PARD3B: variants seen among roughly 807,000 people sequenced by gnomAD.
PARD3B encodes the protein partitioning defective 3 homolog B.
PARD3B carries 103 observed loss-of-function variants against 130.2 expected under a neutral mutation model. The ratio of observed to expected loss-of-function variants is 0.79; its 90% CI spans 0.67 to 0.93. The LOEUF (loss-of-function observed/expected upper bound fraction) is 0.93, where lower values mean the gene tolerates loss of function less well. PARD3B is among the 40% of genes least tolerant of loss of function. The probability of loss-of-function intolerance (pLI) is 0.00; values close to 1 mark genes in which losing one functional copy is unlikely to be tolerated. For missense variants in PARD3B, 1,609 were observed against 1,499.2 expected (o/e 1.07, Z -1.21); for synonymous variants, 583 against 553.2 (o/e 1.05, Z -0.76).
At chr2:205,472,870 G>T (rs1442851611) in intron 20 of PARD3B, among the ~76,000 whole-genome samples, 1 of 151,970 alleles carries the variant, frequency 6.6e-6, no homozygotes, top group Non-Finnish European at 1.5e-5. Flanking sequence ...GTTGTATAGA[G>T]GGGGGGAACA....
At chr2:204,585,363 T>G (rs2032770933) in intron 1 of PARD3B, among the ~76,000 whole-genome samples, 1 of 152,134 alleles carries the variant, frequency 6.6e-6, no homozygotes, top group Non-Finnish European at 1.5e-5. Context: ...CTTCAGATCT[T>G]GCTCTGTTGC....
intron 2 of PARD3B, among the ~76,000 whole-genome samples, chr2:204,705,123 TTCACTG>T (rs2038076770): frequency 6.6e-6 from 1 of 152,204 alleles, no homozygotes; most frequent in Non-Finnish European, 1.5e-5. Flanking sequence ...TGCACCTACT[TTCACTG>T]ACACTCAGCA....
intron 7 of PARD3B, among the ~76,000 whole-genome samples, chr2:205,120,853 C>T (rs2030620014): frequency 6.6e-6 from 1 of 152,068 alleles, no homozygotes; most frequent in Non-Finnish European, 1.5e-5. Flanking sequence ...ATCTTCTGGG[C>T]AAGAAAGAGT....
intron 16 of PARD3B, among the ~76,000 whole-genome samples, chr2:205,252,838 AC>A (rs35793665): frequency 0.33 from 27,471 of 83,838 alleles, 4,151 homozygotes; most frequent in Non-Finnish European, 0.36. Flanking sequence ...ACCTGAAGGG[AC>A]CCCCCCCCCC....
chr2:205,414,008 G>A (rs1429621194), intron 19 of PARD3B, among the ~76,000 whole-genome samples: 2 of 152,114 alleles, frequency 1.3e-5, no homozygotes, highest in Non-Finnish European at 2.9e-5. Flanking sequence ...TGTCAAATGA[G>A]GATATTTTTG....
chr2:204,997,118 C>G (rs1559339523), intron 3 of PARD3B, among the ~76,000 whole-genome samples: 1 of 152,182 alleles, frequency 6.6e-6, no homozygotes, highest in Non-Finnish European at 1.5e-5. Context: ...CCTCAGTTGT[C>G]ATTCTTTCAA....
At chr2:204,845,774 A>G (rs1575120413) in intron 2 of PARD3B, among the ~76,000 whole-genome samples, 1 of 152,198 alleles carries the variant, frequency 6.6e-6, no homozygotes, top group East Asian at 1.9e-4. Flanking sequence ...ATCAATCTCA[A>G]ACTTCTTTGA....
At chr2:205,092,590 C>T (rs1702175420) in intron 4 of PARD3B, among the ~76,000 whole-genome samples, 1 of 152,022 alleles carries the variant, frequency 6.6e-6, no homozygotes, top group Non-Finnish European at 1.5e-5. Flanking sequence ...ACAGTTGCCC[C>T]AAGAGTTGTT....
intron 2 of PARD3B, among the ~76,000 whole-genome samples, chr2:204,733,497 T>TC (rs2039613049): frequency 9.9e-6 from 1 of 100,650 alleles, no homozygotes; most frequent in Admixed American, 1.0e-4. Context: ...TTTTTTTTTT[T>TC]GGTAGAAATT....
intron 21 of PARD3B, among the ~76,000 whole-genome samples, chr2:205,538,149 GA>G (rs1366003012): frequency 1.3e-5 from 2 of 152,090 alleles, no homozygotes; most frequent in African/African-American, 4.8e-5. Context: ...AACAGAGAAG[GA>G]AAAACAAAAA....
chr2:205,414,002 A>G (rs1298214504), intron 19 of PARD3B, among the ~76,000 whole-genome samples: 1 of 152,336 alleles, frequency 6.6e-6, no homozygotes, highest in East Asian at 1.9e-4. Flanking sequence ...TATTCTTGTC[A>G]AATGAGGATA....
chr2:205,364,417 T>C (rs2044521761), intron 18 of PARD3B, among the ~76,000 whole-genome samples: 1 of 152,218 alleles, frequency 6.6e-6, no homozygotes, highest in Non-Finnish European at 1.5e-5. Context: ...TGAGTCCTCC[T>C]TGTTACAGGT....
At chr2:204,863,203 A>G (rs2045280336) in intron 2 of PARD3B, among the ~76,000 whole-genome samples, 1 of 152,106 alleles carries the variant, frequency 6.6e-6, no homozygotes, top group African/African-American at 2.4e-5. Flanking sequence ...GCACTGTGGG[A>G]TGAGACACAT....
At chr2:204,785,728 T>C (rs1356593324) in intron 2 of PARD3B, among the ~76,000 whole-genome samples, 2 of 152,248 alleles carry the variant, frequency 1.3e-5, no homozygotes, top group Non-Finnish European at 2.9e-5. Flanking sequence ...ATGTGTTGAA[T>C]AACTTAGTAA....
At chr2:205,209,933 A>G (rs969449897) in intron 15 of PARD3B, among the ~76,000 whole-genome samples, 5 of 152,124 alleles carry the variant, frequency 3.3e-5, no homozygotes, top group Non-Finnish European at 7.4e-5. Flanking sequence ...GCAAAGGATA[A>G]ATGTTTAAGG....
In PARD3B at chr2:205,575,106, C is replaced by CAT; in HGVS notation, c.3260+21704_3260+21705insTA. 7.3e-6 allele frequency among the ~76,000 whole-genome samples: 1 copy of CAT among 137,234 alleles called. No individual in the cohort carries two copies. The highest frequency in any genetic ancestry group is 1.7e-5 in the Non-Finnish European group (1 of 60,200). The allele number at this position is 137,234 out of a possible 152,430, so 90.0% of individuals were successfully genotyped here. ...ATAGACACACACACACACACACACA[C>CAT]ACACACACGCGTACACTATATATAA... On this transcript the variant is annotated intron_variant, in intron 22 of 22. Coordinates refer to ENST00000406610, the MANE Select transcript of PARD3B (RefSeq NM_001302769.2). The surrounding 1 kb of genome is among the most constrained non-coding windows in gnomAD (Gnocchi z 4.6).
At chr2:204,756,161 C>T (rs2040662176) in intron 2 of PARD3B, among the ~76,000 whole-genome samples, 1 of 152,014 alleles carries the variant, frequency 6.6e-6, no homozygotes, top group Middle Eastern at 3.2e-3. Flanking sequence ...ACAGCTTTCT[C>T]CCTACTCCTT....
At chr2:205,481,443 A>G (rs4675527) in intron 20 of PARD3B, among the ~76,000 whole-genome samples, 139,937 of 152,148 alleles carry the variant, frequency 0.92, 64,525 homozygotes, top group Admixed American at 0.97. Flanking sequence ...ATGTATTAGA[A>G]TGAAGGAGTC....
intron 2 of PARD3B, among the ~76,000 whole-genome samples, chr2:204,765,520 TTG>T (rs2041107091): frequency 6.6e-6 from 1 of 152,048 alleles, no homozygotes. Context: ...AACAAGAAAA[TTG>T]TGTTATTTGA....
Sources: gnomAD v4.1 joint callset for allele counts (sites outside exome capture counted in the v4.1 genomes callset) on GRCh38, gnomAD v4.1.1 for gene constraint, Gnocchi (gnomAD v3.1) non-coding constraint, MANE v1.5 for transcripts, NCBI Gene and HGNC (gene_info 2026-07-23, HGNC 2026-07-21) for gene names.